PC: variants seen among roughly 807,000 people sequenced by gnomAD.
The protein encoded by PC is pyruvate carboxylase.
Under a neutral mutation model 107.8 loss-of-function variants are expected in PC, and 46 were observed. The observed-to-expected ratio is 0.43, with a 90% CI of 0.34 to 0.55. The LOEUF (loss-of-function observed/expected upper bound fraction) is 0.55, where lower values mean the gene tolerates loss of function less well. Among genes scored for constraint, PC ranks in the 20% least tolerant of loss-of-function variants. The pLI is 0.04. For missense variants in PC, 1,241 were observed against 1,643.1 expected (o/e 0.76, Z 4.23); for synonymous variants, 662 against 684.7 (o/e 0.97, Z 0.52).
Position 66,850,601 on chromosome 11 carries a change from G to A in PC, c.2473+73C>T, listed in dbSNP as rs1220866959. ...AGCAGGGCATCTGGATCCTAGGCAG[G>A]TCCAACACTACTGGGACTGGTGGTG... On this transcript the variant is annotated intron_variant, in intron 18 of 22. Coordinates refer to ENST00000393960, the MANE Select transcript of PC (RefSeq NM_001040716.2). 3 of 1,600,876 alleles carry A rather than the reference G, an allele frequency of 1.9e-6. No individual in the cohort carries two copies. In the African/African-American group the frequency reaches 4.0e-5, roughly 21 times the overall value.
At chr11:66,853,157 T>C in intron 13 of PC, 82 bp downstream of exon 13, 6 of 1,504,350 alleles carry the variant, frequency 4.0e-6, no homozygotes, top group East Asian at 2.3e-5. Flanking sequence ...TCTTTGGTCA[T>C]GGGGAGTGGC....
chr11:66,895,756 T>C (rs147712390), intron 3 of PC, among the ~76,000 whole-genome samples: 59 of 152,058 alleles, frequency 3.9e-4, no homozygotes, highest in African/African-American at 1.4e-3. Flanking sequence ...AAAAACTAAA[T>C]AATAGGAGTT....
At chr11:66,951,525 G>A (rs960217316) in intron 3 of PC, among the ~76,000 whole-genome samples, 2 of 152,178 alleles carry the variant, frequency 1.3e-5, no homozygotes, top group Non-Finnish European at 2.9e-5. Context: ...GGAGGCCGAA[G>A]AGGGCGGATC....
chr11:66,950,622 A>G (rs748837833), intron 3 of PC, among the ~76,000 whole-genome samples: 15 of 152,248 alleles, frequency 9.9e-5, no homozygotes, highest in Non-Finnish European at 2.2e-4. Flanking sequence ...TTGGGAACTG[A>G]GGAGCCAAAC....
At chr11:66,859,538 CA>C in intron 12 of PC, 1 of 1,559,218 alleles carries the variant, frequency 6.4e-7, no homozygotes, top group Non-Finnish European at 8.7e-7. Context: ...CGAGTGGCCC[CA>C]GGGGGAGGGG....
chr11:66,903,585 C>CAA (rs748653705), intron 3 of PC, among the ~76,000 whole-genome samples: 1 of 131,650 alleles, frequency 7.6e-6, no homozygotes. Flanking sequence ...ACTAAAAATA[C>CAA]AAAAAAAAAA....
At chr11:66,922,916 G>C (rs1486726588) in intron 3 of PC, among the ~76,000 whole-genome samples, 1 of 152,168 alleles carries the variant, frequency 6.6e-6, no homozygotes, top group African/African-American at 2.4e-5. Context: ...CTTGTTCCTA[G>C]AAAAATGACT....
At chr11:66,901,274 G>A (rs371501705) in intron 3 of PC, among the ~76,000 whole-genome samples, 20 of 152,268 alleles carry the variant, frequency 1.3e-4, no homozygotes, top group Admixed American at 3.9e-4. Flanking sequence ...AGGTCCAGCC[G>A]ATGAGACAGA....
At chr11:66,859,135 C>A (rs1049227901) in intron 12 of PC, 1 of 1,473,554 alleles carries the variant, frequency 6.8e-7, no homozygotes, top group South Asian at 1.5e-5. Flanking sequence ...TCCCGGCGCC[C>A]TTCCTCCGCC....
rs769129894 is a variant in PC at position 66,852,845 on chromosome 11, A to G, written c.1514-9T>C. ...GTTTACCATGACATGGCCTGGGGAG[A>G]AAGCGGGCAGTGGGTCAGGGTGGGC... On this transcript the variant is annotated splice_polypyrimidine_tract_variant and intron_variant, in intron 13 of 22. Transcript: ENST00000393960. The surrounding 1 kb of genome is among the most constrained non-coding windows in gnomAD (Gnocchi z 4.7). The G allele has an allele frequency of 3.0e-5, 46 of 1,556,002 alleles. No homozygotes were observed. The highest frequency in any genetic ancestry group is 3.7e-5 in the Non-Finnish European group (42 of 1,147,062).
chr11:66,943,755 C>CAAAAAAAA (rs34245785), intron 3 of PC, among the ~76,000 whole-genome samples: 1 of 17,584 alleles, frequency 5.7e-5, no homozygotes, highest in Non-Finnish European at 9.5e-5. Flanking sequence ...GACTCCGGCT[C>CAAAAAAAA]AAAAAAAAAA....
In PC at chr11:66,851,870, G is replaced by A. The variant is rs756874373; in HGVS notation, c.1902C>T (p.Ile634=). Residue 634 remains isoleucine (I), a synonymous_variant, in exon 16 of 23, where the codon ATC becomes ATT. Transcript: ENST00000393960. ...GCAGCATCTGGAAAGGGATGTTGGG[G>A]ATGAGCTCCCGGAGCTCCTGCAGCC... ...WRRLQELREL[I]PNIPFQMLLR... 9.3e-6 allele frequency: 15 copies of A among 1,613,978 alleles called. No homozygotes were observed. In the South Asian group the frequency reaches 1.3e-4, roughly 14 times the overall value.
At position 66,871,595 on chromosome 11, in the gene PC, A is replaced by T. The variant is rs571179369; in HGVS notation, c.321+92T>A. 1 of 1,574,452 alleles carries T rather than the reference A, an allele frequency of 6.4e-7. No homozygotes were observed. The highest frequency in any genetic ancestry group is 1.3e-5 in the African/African-American group (1 of 74,098). Reference sequence around the variant, plus strand: ...CATCCGTTTACCCACCCACGCACAGAGGCGCTGAGCACGCCAGCCTCAAGA... The same window carrying T: ...CATCCGTTTACCCACCCACGCACAGTGGCGCTGAGCACGCCAGCCTCAAGA... On this transcript the variant is annotated intron_variant, in intron 5 of 22. Coordinates refer to ENST00000393960, the MANE Select transcript of PC (RefSeq NM_001040716.2). This position sits in a 1 kb window ranked among gnomAD's most constrained non-coding sequence, Gnocchi z 7.4.
chr11:66,870,539 G>T lies in PC; in HGVS notation c.752-86C>A, dbSNP rs1946684102. 1 of 1,452,984 alleles carries T rather than the reference G, an allele frequency of 6.9e-7. No individual in the cohort carries two copies. Among genetic ancestry groups the T allele is most frequent in the Non-Finnish European group, 9.5e-7 (1 of 1,052,506 alleles). 90.0% of individuals were successfully genotyped at this position (1,452,984 alleles called of 1,614,324 possible). A position where few individuals can be genotyped will look rare whatever the true frequency, so the allele number is the denominator to read the frequency against. The stretch of plus-strand genomic sequence containing the variant: ...CCATCACCCCCACATAACCACTGTC[G>T]CCAGTCAGTGCCGGCTGCCAGCGGT... On this transcript the variant is annotated intron_variant, in intron 8 of 22. Coordinates refer to ENST00000393960, the MANE Select transcript of PC (RefSeq NM_001040716.2). This position sits in a 1 kb window ranked among gnomAD's most constrained non-coding sequence, Gnocchi z 6.1.
chr11:66,872,471 T>C (rs1946775942), intron 3 of PC, among the ~76,000 whole-genome samples: 1 of 151,940 alleles, frequency 6.6e-6, no homozygotes, highest in South Asian at 2.1e-4. Flanking sequence ...AGACTACAGG[T>C]GTGAGCTGCC....
At position 66,870,896 on chromosome 11, in the gene PC, C is replaced by A. The variant is rs368096991; in HGVS notation, c.634-4G>T. ...GGGTGTAATTCTCCTCCAGCTCCTG[C>A]GAGGGCGGGCAGGGGCCAGCCAGAC... On this transcript the variant is annotated splice_polypyrimidine_tract_variant and splice_region_variant and intron_variant, in intron 7 of 22. Transcript: ENST00000393960. The surrounding 1 kb of genome is among the most constrained non-coding windows in gnomAD (Gnocchi z 6.1). 1 of 1,611,504 alleles carries A rather than the reference C, an allele frequency of 6.2e-7. No individual in the cohort carries two copies.
chr11:66,957,435 G>A (rs932405300), intron 1 of PC, among the ~76,000 whole-genome samples: 4 of 152,214 alleles, frequency 2.6e-5, no homozygotes, highest in Non-Finnish European at 5.9e-5. Flanking sequence ...TGGGCAACAT[G>A]ACGGAACCTC....
intron 3 of PC, among the ~76,000 whole-genome samples, chr11:66,942,675 T>C (rs1020524754): frequency 5.3e-5 from 8 of 152,058 alleles, no homozygotes; most frequent in African/African-American, 1.9e-4. Flanking sequence ...GGTTGCTCAA[T>C]ATAAATATAC....
At chr11:66,949,896 G>C (rs1489134341) in intron 3 of PC, among the ~76,000 whole-genome samples, 1 of 152,066 alleles carries the variant, frequency 6.6e-6, no homozygotes, top group Non-Finnish European at 1.5e-5. Context: ...CCAGGGGTAG[G>C]AGTGGGTGTG....
Sources: gnomAD v4.1 joint callset for allele counts (sites outside exome capture counted in the v4.1 genomes callset) on GRCh38, gnomAD v4.1.1 for gene constraint, Gnocchi (gnomAD v3.1) non-coding constraint, MANE v1.5 for transcripts, NCBI Gene and HGNC (gene_info 2026-07-23, HGNC 2026-07-21) for gene names.